The following SAMD4A variants were observed in gnomAD, a reference collection of about 807,000 sequenced individuals.
The protein encoded by SAMD4A is protein Smaug homolog 1.
Under a neutral mutation model 81.3 loss-of-function variants are expected in SAMD4A, and 33 were observed. The observed-to-expected ratio is 0.41, with a 90% CI of 0.31 to 0.54. The LOEUF is 0.54. SAMD4A is among the 20% of genes least tolerant of loss of function. The pLI is 0.37. For synonymous variants in SAMD4A, 389 were observed against 382.1 expected (o/e 1.02, Z -0.21); for missense variants, 854 against 951.1 (o/e 0.90, Z 1.34).
chr14:54,647,601 TTACTC>T (rs2035313597), intron 2 of SAMD4A, among the ~76,000 whole-genome samples: 1 of 152,246 alleles, frequency 6.6e-6, no homozygotes, highest in East Asian at 1.9e-4. Context: ...GAATAAATAT[TTACTC>T]TGCGTAGAAG....
At chr14:54,688,465 T>G (rs140901059) in intron 2 of SAMD4A, among the ~76,000 whole-genome samples, 3 of 152,316 alleles carry the variant, frequency 2.0e-5, no homozygotes, top group African/African-American at 7.2e-5. Flanking sequence ...CTTCGTTTGA[T>G]TCATGAGCCA....
intron 2 of SAMD4A, among the ~76,000 whole-genome samples, chr14:54,685,272 C>T (rs1438339848): frequency 3.6e-5 from 1 of 27,418 alleles, no homozygotes; most frequent in Non-Finnish European, 3.4e-4. Context: ...CCCATTCTTC[C>T]TGCCCCCCCC....
chr14:54,678,433 T>TGTGTGTGTGTGTG (rs2036040355), intron 2 of SAMD4A, among the ~76,000 whole-genome samples: 10 of 81,278 alleles, frequency 1.2e-4, no homozygotes, highest in African/African-American at 2.9e-4. Context: ...CAGTCACCAT[T>TGTGTGTGTGTGTG]TGTGTGTGTG....
chr14:54,739,601 A>G (rs1360543838), intron 4 of SAMD4A, among the ~76,000 whole-genome samples: 3 of 152,190 alleles, frequency 2.0e-5, no homozygotes, highest in Admixed American at 2.0e-4. Context: ...TTTGCAGTTT[A>G]GCTGACAGGT....
At chr14:54,770,062 C>G (rs1363497311) in intron 8 of SAMD4A, 42 bp from the exon 9 acceptor site, 1 of 1,278,194 alleles carries the variant, frequency 7.8e-7, no homozygotes, top group South Asian at 1.2e-5. Context: ...CCTCTAATGC[C>G]AGGCTGCGTC....
chr14:54,709,430 C>T (rs1161985456), intron 3 of SAMD4A, among the ~76,000 whole-genome samples: 2 of 151,830 alleles, frequency 1.3e-5, no homozygotes, highest in African/African-American at 2.4e-5. Context: ...TTTCATTCAT[C>T]GAGAGGCAAG....
chr14:54,656,700 T>C (rs920043083), intron 2 of SAMD4A, among the ~76,000 whole-genome samples: 1 of 152,210 alleles, frequency 6.6e-6, no homozygotes, highest in Non-Finnish European at 1.5e-5. Flanking sequence ...CGATCTCGGC[T>C]CACTGCAAGC....
chr14:54,572,078 CCTG>C (rs2033145289), intron 2 of SAMD4A, among the ~76,000 whole-genome samples: 1 of 152,166 alleles, frequency 6.6e-6, no homozygotes, highest in Admixed American at 6.5e-5. Context: ...TTTCTGACTG[CCTG>C]CTATTTTCCT....
At chr14:54,566,437 C>A (rs2032936145), upstream of SAMD4A, among the ~76,000 whole-genome samples, 2 of 151,778 alleles carry the variant, frequency 1.3e-5, no homozygotes, top group South Asian at 4.1e-4. Flanking sequence ...TGGAAGCTAG[C>A]GGCTCCTTGA....
At chr14:54,600,490 G>GT (rs1182821904) in intron 2 of SAMD4A, among the ~76,000 whole-genome samples, 1 of 152,130 alleles carries the variant, frequency 6.6e-6, no homozygotes, top group South Asian at 2.1e-4. Flanking sequence ...TTCAGAATTT[G>GT]TTATTCTACT....
At position 54,747,725 on chromosome 14, in the gene SAMD4A, G is replaced by A. The variant is rs574164795; in HGVS notation, c.980-1090G>A. 2.0e-5 allele frequency among the ~76,000 whole-genome samples: 3 copies of A among 152,288 alleles called. No homozygotes were observed. The South Asian group carries it at 6.2e-4, about 32-fold the overall frequency. On this transcript the variant is annotated intron_variant, in intron 4 of 12. Coordinates refer to ENST00000554335, the MANE Select transcript of SAMD4A (RefSeq NM_015589.6). ...TTTTATAAGAATTGGTACATTGTAG[G>A]AATGAGCTAGGAATCAGGAGATCTG...
chr14:54,625,072 T>G (rs2034712315), intron 2 of SAMD4A, among the ~76,000 whole-genome samples: 1 of 152,184 alleles, frequency 6.6e-6, no homozygotes, highest in Non-Finnish European at 1.5e-5. Flanking sequence ...TATCATTTCT[T>G]TTTTTTAACA....
intron 11 of SAMD4A, among the ~76,000 whole-genome samples, chr14:54,783,247 A>G (rs1414667642): frequency 6.6e-6 from 1 of 151,946 alleles, no homozygotes; most frequent in Non-Finnish European, 1.5e-5. Context: ...TTCTTCGCTC[A>G]GTAGACATGT....
chr14:54,749,169 T>C (rs1253846879), intron 5 of SAMD4A, among the ~76,000 whole-genome samples: 2 of 152,088 alleles, frequency 1.3e-5, no homozygotes, highest in African/African-American at 4.8e-5. Context: ...GATCAAGTGG[T>C]GTGAAAAGGC....
At chr14:54,669,432 G>A (rs1277467497) in intron 2 of SAMD4A, among the ~76,000 whole-genome samples, 5 of 147,222 alleles carry the variant, frequency 3.4e-5, no homozygotes, top group Non-Finnish European at 6.0e-5. Flanking sequence ...ATTTTTAGAA[G>A]CAACGCTTCT....
intron 2 of SAMD4A, among the ~76,000 whole-genome samples, chr14:54,666,859 G>A (rs2035769243): frequency 6.6e-6 from 1 of 152,126 alleles, no homozygotes; most frequent in African/African-American, 2.4e-5. Context: ...ACCAAACACT[G>A]TCAAATCATG....
At chr14:54,745,815 G>A (rs1357976944) in intron 4 of SAMD4A, among the ~76,000 whole-genome samples, 3 of 152,152 alleles carry the variant, frequency 2.0e-5, no homozygotes, top group Non-Finnish European at 4.4e-5. Flanking sequence ...GCCAACCAGA[G>A]GCATGCATGC....
intron 5 of SAMD4A, 149 bp from the exon 6 acceptor site, chr14:54,751,302 G>A (rs2038095939): frequency 1.7e-6 from 1 of 597,946 alleles, no homozygotes; most frequent in Non-Finnish European, 3.0e-6. Flanking sequence ...ATGATGATGG[G>A]TACTAATGCA....
intron 3 of SAMD4A, among the ~76,000 whole-genome samples, chr14:54,729,771 T>C (rs191600147): frequency 5.9e-5 from 9 of 152,310 alleles, no homozygotes; most frequent in African/African-American, 1.9e-4. Flanking sequence ...CTTTCATAGT[T>C]GATGGAAGTT....
Sources: allele counts gnomAD v4.1 joint callset (sites outside exome capture counted in the v4.1 genomes callset), GRCh38; gene constraint gnomAD v4.1.1; transcripts MANE v1.5; gene names NCBI Gene and HGNC (gene_info 2026-07-23, HGNC 2026-07-21).